The following PLXDC2 variants were observed in gnomAD, a reference collection of about 807,000 sequenced individuals.
PLXDC2 encodes plexin domain containing 2, also known as plexin domain-containing protein 2.
PLXDC2 carries 40 observed loss-of-function variants against 68.9 expected under a neutral mutation model. The ratio of observed to expected loss-of-function variants is 0.58; its 90% CI spans 0.45 to 0.76. The LOEUF (loss-of-function observed/expected upper bound fraction) is 0.76, where lower values mean the gene tolerates loss of function less well. PLXDC2 is among the 30% of genes least tolerant of loss of function. PLXDC2 has a pLI of 0.00. For missense variants in PLXDC2, 644 were observed against 661.9 expected (o/e 0.97, Z 0.30); for synonymous variants, 243 against 234.2 (o/e 1.04, Z -0.34).
At chr10:20,021,502 A>G (rs1333644346) in intron 2 of PLXDC2, among the ~76,000 whole-genome samples, 1 of 151,882 alleles carries the variant, frequency 6.6e-6, no homozygotes, top group Non-Finnish European at 1.5e-5. Context: ...AAATTGTTTT[A>G]CAATTCTTAG....
At chr10:19,906,879 G>A (rs1018142641) in intron 1 of PLXDC2, among the ~76,000 whole-genome samples, 1 of 152,128 alleles carries the variant, frequency 6.6e-6, no homozygotes, top group Non-Finnish European at 1.5e-5. Context: ...CCTGGAGCCC[G>A]AATGTCTATG....
At chr10:20,276,028 C>G (rs2119392706) in intron 13 of PLXDC2, among the ~76,000 whole-genome samples, 1 of 152,200 alleles carries the variant, frequency 6.6e-6, no homozygotes, top group Admixed American at 6.5e-5. Context: ...GTGACTTTCC[C>G]CAAGTCCTAC....
chr10:20,117,213 G>A (rs1213784395), intron 4 of PLXDC2, among the ~76,000 whole-genome samples: 1 of 152,068 alleles, frequency 6.6e-6, no homozygotes, highest in Admixed American at 6.5e-5. Flanking sequence ...GACATATAAA[G>A]ATTATGTGAA....
chr10:19,989,809 G>A (rs1834716069), intron 1 of PLXDC2, among the ~76,000 whole-genome samples: 1 of 147,634 alleles, frequency 6.8e-6, no homozygotes, highest in African/African-American at 2.5e-5. Context: ...GAGTGCAGTG[G>A]TGTGATCTTG....
intron 4 of PLXDC2, among the ~76,000 whole-genome samples, chr10:20,084,904 G>T (rs1833168836): frequency 6.6e-6 from 1 of 151,430 alleles, no homozygotes; most frequent in Admixed American, 6.6e-5. Context: ...AATAACATGA[G>T]TTCTGGTTCT....
At chr10:20,129,229 G>A (rs1171622801) in intron 4 of PLXDC2, among the ~76,000 whole-genome samples, 2 of 152,172 alleles carry the variant, frequency 1.3e-5, no homozygotes, top group African/African-American at 2.4e-5. Flanking sequence ...TTAATTATTA[G>A]TGATGCTGAG....
Position 19,988,776 on chromosome 10 carries a change from C to CTT in PLXDC2, c.113-12963_113-12962dup, listed in dbSNP as rs552950916. 3.0e-3 allele frequency among the ~76,000 whole-genome samples: 137 copies of CTT among 45,484 alleles called. 44 individuals are homozygous for CTT. The highest frequency in any genetic ancestry group is 5.4e-3 in the East Asian group (7 of 1,296). 29.8% of individuals were successfully genotyped at this position (45,484 alleles called of 152,430 possible). On this transcript the variant is annotated intron_variant, in intron 1 of 13. Coordinates refer to ENST00000377252, the MANE Select transcript of PLXDC2 (RefSeq NM_032812.9). ...AGTTAGGGTTAAGTTAATAATGCCACTTTTTTTTTTTTTTTTTTTTTTTTT... is the reference window on the plus strand; with the variant it reads ...AGTTAGGGTTAAGTTAATAATGCCACTTTTTTTTTTTTTTTTTTTTTTTTTTT...
chr10:20,230,575 G>A lies in PLXDC2; in HGVS notation c.1312+11473G>A, dbSNP rs955515059. On this transcript the variant is annotated intron_variant, in intron 12 of 13. Coordinates refer to ENST00000377252, the MANE Select transcript of PLXDC2 (RefSeq NM_032812.9). ...TAGTCCCAGCTACATGGGAGGCTGAGGTGGGAGGATCTCCTGAGCCCAGGA... is the reference window on the plus strand; with the variant it reads ...TAGTCCCAGCTACATGGGAGGCTGAAGTGGGAGGATCTCCTGAGCCCAGGA... 3.3e-5 allele frequency among the ~76,000 whole-genome samples: 5 copies of A among 151,474 alleles called. No individual in the cohort carries two copies. In the South Asian group the frequency reaches 1.0e-3, roughly 32 times the overall value.
At chr10:20,120,137 G>C (rs898324970) in intron 4 of PLXDC2, among the ~76,000 whole-genome samples, 2 of 152,098 alleles carry the variant, frequency 1.3e-5, no homozygotes, top group African/African-American at 4.8e-5. Flanking sequence ...ACGGTGAATA[G>C]GAGTATGACT....
intron 6 of PLXDC2, among the ~76,000 whole-genome samples, chr10:20,159,544 T>C (rs1171691471): frequency 1.3e-5 from 2 of 152,142 alleles, no homozygotes; most frequent in Non-Finnish European, 2.9e-5. Context: ...ACAGTCTTGA[T>C]TTCCCAGCAG....
At chr10:19,869,073 A>G (rs1837482205) in intron 1 of PLXDC2, among the ~76,000 whole-genome samples, 1 of 152,056 alleles carries the variant, frequency 6.6e-6, no homozygotes, top group African/African-American at 2.4e-5. Flanking sequence ...AGGGTTCAAG[A>G]TTTGGCTCTA....
At chr10:20,158,929 T>C (rs1266895212) in intron 6 of PLXDC2, among the ~76,000 whole-genome samples, 1 of 152,140 alleles carries the variant, frequency 6.6e-6, no homozygotes, top group African/African-American at 2.4e-5. Flanking sequence ...TTTTTCAAAA[T>C]CTGGCATGTA....
chr10:20,209,194 T>A (rs1283797704), intron 9 of PLXDC2, among the ~76,000 whole-genome samples: 2 of 152,128 alleles, frequency 1.3e-5, no homozygotes, highest in South Asian at 2.1e-4. Flanking sequence ...CTAATAAGCC[T>A]GGGAGTGCTA....
intron 2 of PLXDC2, among the ~76,000 whole-genome samples, chr10:20,015,153 C>G (rs1240046887): frequency 6.6e-6 from 1 of 152,182 alleles, no homozygotes; most frequent in Non-Finnish European, 1.5e-5. Context: ...CCCCAGTCAT[C>G]CTCTCTCTGC....
chr10:20,076,846 A>G (rs2131716336), intron 4 of PLXDC2, among the ~76,000 whole-genome samples: 1 of 152,292 alleles, frequency 6.6e-6, no homozygotes, highest in Admixed American at 6.5e-5. Context: ...GGTGCTGTTC[A>G]GAATCTCTCT....
At chr10:20,220,004 T>C (rs1835188622) in intron 12 of PLXDC2, among the ~76,000 whole-genome samples, 2 of 152,184 alleles carry the variant, frequency 1.3e-5, no homozygotes, top group African/African-American at 2.4e-5. Context: ...TCCATGCCTT[T>C]TTAGGCCATT....
At chr10:19,975,479 AAAAT>A (rs1464406826) in intron 1 of PLXDC2, among the ~76,000 whole-genome samples, 2 of 152,040 alleles carry the variant, frequency 1.3e-5, no homozygotes, top group Admixed American at 6.6e-5. Flanking sequence ...TAAATAATTA[AAAAT>A]AAATAAATAA....
At chr10:20,091,477 T>G (rs143180819) in intron 4 of PLXDC2, among the ~76,000 whole-genome samples, 2 of 152,344 alleles carry the variant, frequency 1.3e-5, no homozygotes, top group Non-Finnish European at 2.9e-5. Flanking sequence ...TGACTCATTG[T>G]TATTCTCCTA....
At position 19,832,812 on chromosome 10, in the gene PLXDC2, A is replaced by C. The variant is rs561452325; in HGVS notation, c.112+15621A>C. The stretch of plus-strand genomic sequence containing the variant: ...TCCCGCGGAGGTGTGTGTGGTGGGA[A>C]AGTTCTCCAGGGAAGACAACATTCG... On this transcript the variant is annotated intron_variant, in intron 1 of 13. Coordinates refer to ENST00000377252, the MANE Select transcript of PLXDC2 (RefSeq NM_032812.9). Among the ~76,000 whole-genome samples, 16 of 152,310 alleles carry C rather than the reference A, an allele frequency of 1.1e-4. No homozygotes were observed. The South Asian group carries it at 3.1e-3, about 30-fold the overall frequency.
Sources: gnomAD v4.1 joint callset for allele counts (sites outside exome capture counted in the v4.1 genomes callset) on GRCh38, gnomAD v4.1.1 for gene constraint, MANE v1.5 for transcripts, NCBI Gene and HGNC (gene_info 2026-07-23, HGNC 2026-07-21) for gene names.